MAP2K4: variants seen among roughly 807,000 people sequenced by gnomAD.
MAP2K4 encodes mitogen-activated protein kinase kinase 4, also known as dual specificity mitogen-activated protein kinase kinase 4.
Under a neutral mutation model 48.5 loss-of-function variants are expected in MAP2K4, and 4 were observed. The ratio of observed to expected loss-of-function variants is 0.08; its 90% CI spans 0.04 to 0.19. The LOEUF is 0.19. MAP2K4 is among the 10% of genes least tolerant of loss of function. MAP2K4 has a pLI of 1.00. For missense variants in MAP2K4, 258 were observed against 493.3 expected (o/e 0.52, Z 4.52); for synonymous variants, 166 against 173.1 (o/e 0.96, Z 0.32).
intron 1 of MAP2K4, among the ~76,000 whole-genome samples, chr17:12,043,926 T>C (rs1969877699): frequency 6.6e-6 from 1 of 152,074 alleles, no homozygotes; most frequent in Admixed American, 6.5e-5. Flanking sequence ...TATGGGGGCG[T>C]GGCAGCTGAA....
chr17:12,133,373 C>T (rs561564060), intron 9 of MAP2K4, among the ~76,000 whole-genome samples: 7 of 152,292 alleles, frequency 4.6e-5, no homozygotes, highest in African/African-American at 1.4e-4. Context: ...TGAGCCACTG[C>T]GCCAGGCTGG....
chr17:12,077,788 AT>A (rs1275569897), intron 2 of MAP2K4, among the ~76,000 whole-genome samples: 1 of 152,172 alleles, frequency 6.6e-6, no homozygotes, highest in East Asian at 1.9e-4. Flanking sequence ...AAACAACATA[AT>A]TTATTTCTCA....
chr17:12,113,804 T>A (rs1972387165), intron 7 of MAP2K4, among the ~76,000 whole-genome samples: 2 of 152,174 alleles, frequency 1.3e-5, no homozygotes, highest in Admixed American at 1.3e-4. Flanking sequence ...CACCAACAAA[T>A]GCAAAGGTAG....
intron 9 of MAP2K4, among the ~76,000 whole-genome samples, 164 bp from the exon 10 acceptor site, chr17:12,139,675 A>AT (rs1467709406): frequency 6.6e-6 from 1 of 152,118 alleles, no homozygotes; most frequent in Non-Finnish European, 1.5e-5. Context: ...TAGACTCACA[A>AT]TTTTTTGTAT....
chr17:12,043,750 G>T (rs1969870100), intron 1 of MAP2K4, among the ~76,000 whole-genome samples: 1 of 152,118 alleles, frequency 6.6e-6, no homozygotes, highest in South Asian at 2.1e-4. Context: ...CAGAGGTTCT[G>T]TGACCTTTCC....
intron 1 of MAP2K4, among the ~76,000 whole-genome samples, chr17:12,024,927 G>T (rs1390037176): frequency 6.6e-6 from 1 of 152,088 alleles, no homozygotes; most frequent in Non-Finnish European, 1.5e-5. Context: ...CGTTATACCA[G>T]GTAATTAATC....
At chr17:12,133,184 C>T (rs746420926) in intron 9 of MAP2K4, among the ~76,000 whole-genome samples, 37 of 152,026 alleles carry the variant, frequency 2.4e-4, no homozygotes, top group African/African-American at 8.5e-4. Flanking sequence ...CAGGTTCAAG[C>T]GATTCTCCTG....
At chr17:12,117,565 T>G (rs1171519968) in intron 7 of MAP2K4, among the ~76,000 whole-genome samples, 3 of 151,744 alleles carry the variant, frequency 2.0e-5, no homozygotes, top group Non-Finnish European at 4.4e-5. Flanking sequence ...ATACCTCACA[T>G]GGGGCCAAGA....
chr17:12,076,586 C>A (rs1313814001), intron 2 of MAP2K4, among the ~76,000 whole-genome samples: 1 of 152,116 alleles, frequency 6.6e-6, no homozygotes, highest in Non-Finnish European at 1.5e-5. Context: ...TTGAGTTGTA[C>A]TTTTAATAAG....
At chr17:12,074,021 C>G (rs1331705714) in intron 2 of MAP2K4, among the ~76,000 whole-genome samples, 3 of 152,128 alleles carry the variant, frequency 2.0e-5, no homozygotes, top group Non-Finnish European at 4.4e-5. Flanking sequence ...ATTCGCCCAC[C>G]TCGGCCTCCC....
intron 9 of MAP2K4, among the ~76,000 whole-genome samples, chr17:12,133,329 G>A (rs576240189): frequency 9.2e-5 from 14 of 152,266 alleles, no homozygotes; most frequent in East Asian, 1.9e-4. Flanking sequence ...TAATCCGCCC[G>A]CTTCAGCCTC....
At chr17:12,038,004 G>A (rs368055537) in intron 1 of MAP2K4, among the ~76,000 whole-genome samples, 1 of 151,982 alleles carries the variant, frequency 6.6e-6, no homozygotes, top group East Asian at 1.9e-4. Flanking sequence ...AATAATTTGG[G>A]GATGCTTAAT....
chr17:12,121,499 C>T (rs865904082), intron 7 of MAP2K4, among the ~76,000 whole-genome samples: 20 of 145,390 alleles, frequency 1.4e-4, no homozygotes, highest in Non-Finnish European at 1.9e-4. Context: ...GGCGGGAACC[C>T]GGGAGGCGGA....
intron 4 of MAP2K4, 131 bp from the exon 5 acceptor site, chr17:12,107,659 A>G: frequency 1.2e-6 from 1 of 818,894 alleles, no homozygotes; most frequent in Non-Finnish European, 1.9e-6. Flanking sequence ...CAAGAAAACA[A>G]AAATTATTAC....
chr17:12,115,525 A>T, intron 7 of MAP2K4: 1 of 530,024 alleles, frequency 1.9e-6, no homozygotes, highest in Non-Finnish European at 3.4e-6. Context: ...TAAAGGAGGT[A>T]GAGGTGACGG....
intron 2 of MAP2K4, among the ~76,000 whole-genome samples, chr17:12,070,029 AAAAG>A (rs775678444): frequency 1.9e-4 from 28 of 147,494 alleles, no homozygotes; most frequent in Non-Finnish European, 3.7e-4. Context: ...TTGCTTAGGA[AAAAG>A]AAGGAAGAAA....
intron 2 of MAP2K4, among the ~76,000 whole-genome samples, chr17:12,058,658 T>G (rs1343712423): frequency 6.6e-6 from 1 of 152,246 alleles, no homozygotes; most frequent in African/African-American, 2.4e-5. Flanking sequence ...CAATGTTGTT[T>G]TATCTTTTCC....
chr17:12,052,151 G>A (rs951845924), intron 1 of MAP2K4, among the ~76,000 whole-genome samples: 10 of 152,122 alleles, frequency 6.6e-5, no homozygotes, highest in Admixed American at 2.6e-4. Flanking sequence ...TGCTAAGCTC[G>A]TTGGCACTTG....
chr17:12,086,288 T>A (rs1455139562), intron 3 of MAP2K4, among the ~76,000 whole-genome samples: 1 of 152,122 alleles, frequency 6.6e-6, no homozygotes, highest in Admixed American at 6.5e-5. Flanking sequence ...CTTTTATGCT[T>A]CCTAATATTG....
Sources: gnomAD v4.1 joint callset for allele counts (sites outside exome capture counted in the v4.1 genomes callset) on GRCh38, gnomAD v4.1.1 for gene constraint, MANE v1.5 for transcripts, NCBI Gene and HGNC (gene_info 2026-07-23, HGNC 2026-07-21) for gene names.